Variants in WLS observed in about 807,000 individuals in gnomAD.
WLS encodes Wnt ligand secretion mediator.
WLS carries 23 observed loss-of-function variants against 62.8 expected under a neutral mutation model. The ratio of observed to expected loss-of-function variants is 0.37; its 90% CI spans 0.26 to 0.52. The LOEUF (loss-of-function observed/expected upper bound fraction) is 0.52. Among genes scored for constraint, WLS ranks in the 20% least tolerant of loss-of-function variants. The probability of loss-of-function intolerance (pLI) is 0.92; values close to 1 mark genes in which losing one functional copy is unlikely to be tolerated. For missense variants in WLS, 615 were observed against 697.3 expected (o/e 0.88, Z 1.33); for synonymous variants, 246 against 244.1 (o/e 1.01, Z -0.07).
intron 3 of WLS, 78 bp from the exon 4 acceptor site, chr1:68,155,338 A>G: frequency 1.3e-6 from 2 of 1,504,774 alleles, no homozygotes; most frequent in Non-Finnish European, 1.8e-6. Flanking sequence ...CCCTGGATCC[A>G]TAACATCAAT....
In WLS at chr1:68,160,196, T is replaced by G. The variant is rs1646954299; in HGVS notation, c.380-949A>C. Among the ~76,000 whole-genome samples, 3 of 152,062 alleles carry G rather than the reference T, an allele frequency of 2.0e-5. No individual in the cohort carries two copies. In the South Asian group the frequency reaches 6.2e-4, roughly 32 times the overall value. On this transcript the variant is annotated intron_variant, in intron 2 of 11. Transcript: ENST00000262348. ...GGAACACTTCTTTGTAAATATCATT[T>G]TGTTAGGTTATTGGCAAAACAGTTT... is the stretch of plus-strand genomic sequence containing the variant.
intron 11 of WLS, among the ~76,000 whole-genome samples, chr1:68,127,468 A>C (rs1030827959): frequency 1.8e-4 from 28 of 152,182 alleles, no homozygotes; most frequent in Non-Finnish European, 7.3e-5. Context: ...AGGAGAAAAA[A>C]ATTTTCTCTA....
rs565476826 is a variant in WLS, at chr1:68,218,208, A to G, written c.106+13986T>C. 3.3e-5 allele frequency among the ~76,000 whole-genome samples: 5 copies of G among 152,070 alleles called. No individual in the cohort carries two copies. The South Asian group carries it at 1.0e-3, about 32-fold the overall frequency. On this transcript the variant is annotated intron_variant, in intron 1 of 11. Transcript: ENST00000262348. Reference sequence around the variant, plus strand: ...ACATAAGGGGAAAGAATAAAACATTAACATAGAATGGTTGTATCAAAATGG... The same window carrying G: ...ACATAAGGGGAAAGAATAAAACATTGACATAGAATGGTTGTATCAAAATGG...
chr1:68,170,468 G>A (rs944207613), intron 2 of WLS, among the ~76,000 whole-genome samples: 5 of 151,908 alleles, frequency 3.3e-5, no homozygotes, highest in Admixed American at 6.6e-5. Flanking sequence ...GCGCTCGGCC[G>A]CTGGCTGCTA....
At chr1:68,184,830 T>G (rs1290977298) in intron 2 of WLS, among the ~76,000 whole-genome samples, 1 of 152,250 alleles carries the variant, frequency 6.6e-6, no homozygotes, top group East Asian at 1.9e-4. Context: ...CAAGTATCTA[T>G]GAGTCTCTAG....
chr1:68,227,264 A>G (rs1188954858), intron 1 of WLS, among the ~76,000 whole-genome samples: 1 of 152,140 alleles, frequency 6.6e-6, no homozygotes, highest in Admixed American at 6.5e-5. Context: ...CTAAAAATAC[A>G]ACAATTAGCT....
At position 68,125,556 on chromosome 1, in the gene WLS, A is replaced by G; in HGVS notation, c.*670T>C. 1 of 985,468 alleles carries G rather than the reference A, an allele frequency of 1.0e-6. No homozygotes were observed. The highest frequency in any genetic ancestry group is 1.7e-5 in the African/African-American group (1 of 57,370). 61.0% of individuals were successfully genotyped at this position (985,468 alleles called of 1,614,324 possible). A position where few individuals can be genotyped will look rare whatever the true frequency, so the allele number is the denominator to read the frequency against. ...TAAATCTTACTTGGGTAGTTTAGCA[A>G]ACATTTTTTAAAACCCACATCCAAC... On this transcript the variant is annotated 3_prime_UTR_variant, in exon 12 of 12. Coordinates refer to ENST00000262348, the MANE Select transcript of WLS (RefSeq NM_024911.7).
Position 68,129,840 on chromosome 1 carries a change from T to C in WLS, c.1517-3505A>G, listed in dbSNP as rs191304239. ...AGACAAGAAAAAACCCTTCTGAAAA[T>C]GTGATATGTGTCTTGGGGTGAAAAA... On this transcript the variant is annotated intron_variant, in intron 11 of 11. Coordinates refer to ENST00000262348, the MANE Select transcript of WLS (RefSeq NM_024911.7). 6.9e-3 allele frequency among the ~76,000 whole-genome samples: 1,051 copies of C among 152,192 alleles called. 8 individuals are homozygous for C. Among genetic ancestry groups the C allele is most frequent in the Non-Finnish European group, 0.01 (701 of 67,998 alleles).
exon 12 of WLS, chr1:68,098,501 G>T: frequency 7.2e-7 from 1 of 1,384,688 alleles, no homozygotes. Context: ...TATTGTTGAC[G>T]CTTTTTTCCT....
At chr1:68,098,603 A>T (rs1439275475) in exon 12 of WLS, 1 of 1,610,740 alleles carries the variant, frequency 6.2e-7, no homozygotes, top group Non-Finnish European at 8.5e-7. Flanking sequence ...GCAAATGCAA[A>T]GCTGATAAAC....
At chr1:68,124,244 G>T (rs10889747), downstream of WLS, among the ~76,000 whole-genome samples, 94,136 of 151,402 alleles carry the variant, frequency 0.62, 29,920 homozygotes, top group Middle Eastern at 0.72. Context: ...AGGCTCCAGT[G>T]ATCATTCTGA....
chr1:68,110,123 A>C (rs1646205179), intron 11 of WLS, among the ~76,000 whole-genome samples: 1 of 151,782 alleles, frequency 6.6e-6, no homozygotes, highest in Non-Finnish European at 1.5e-5. Flanking sequence ...TATTAGATTA[A>C]TCTTTAGTAA....
At chr1:68,212,541 C>G (rs1649557722) in intron 1 of WLS, among the ~76,000 whole-genome samples, 1 of 152,170 alleles carries the variant, frequency 6.6e-6, no homozygotes. Flanking sequence ...TCCAACACTA[C>G]CAGATCGGGA....
At chr1:68,183,082 G>A (rs1256359948) in intron 2 of WLS, among the ~76,000 whole-genome samples, 1 of 152,018 alleles carries the variant, frequency 6.6e-6, no homozygotes, top group African/African-American at 2.4e-5. Flanking sequence ...TGTATAGACA[G>A]GGTTTCACCA....
At chr1:68,213,408 G>A (rs535474650) in intron 1 of WLS, among the ~76,000 whole-genome samples, 16 of 142,558 alleles carry the variant, frequency 1.1e-4, no homozygotes, top group African/African-American at 3.2e-4. Context: ...CTGAGATTGC[G>A]CCATTGCTCT....
intron 2 of WLS, chr1:68,183,429 G>A (rs192313625): frequency 1.4e-5 from 5 of 367,564 alleles, no homozygotes; most frequent in African/African-American, 2.1e-5. Flanking sequence ...ATCATAGCAG[G>A]GATAGTTCTT....
At chr1:68,111,567 C>T (rs1265117925) in intron 11 of WLS, among the ~76,000 whole-genome samples, 2 of 152,188 alleles carry the variant, frequency 1.3e-5, no homozygotes, top group Non-Finnish European at 2.9e-5. Flanking sequence ...AAATATCCTC[C>T]AATGTGTGAG....
chr1:68,188,844 A>G (rs1278666999), intron 2 of WLS, among the ~76,000 whole-genome samples: 1 of 152,240 alleles, frequency 6.6e-6, no homozygotes, highest in Non-Finnish European at 1.5e-5. Flanking sequence ...GCTAGAAAGA[A>G]GCCTTGAGCC....
chr1:68,129,111 G>GGTCA, intron 11 of WLS, among the ~76,000 whole-genome samples: 1 of 152,208 alleles, frequency 6.6e-6, no homozygotes, highest in Non-Finnish European at 1.5e-5. Flanking sequence ...GATCACTTGA[G>GGTCA]GTCAGGAGTT....
Sources: allele counts gnomAD v4.1 joint callset (sites outside exome capture counted in the v4.1 genomes callset), GRCh38; gene constraint gnomAD v4.1.1; transcripts MANE v1.5; gene names NCBI Gene and HGNC (gene_info 2026-07-23, HGNC 2026-07-21).